Variants in DNAH6 observed in about 807,000 individuals in gnomAD.
The protein encoded by DNAH6 is dynein axonemal heavy chain 6.
Under a neutral mutation model 491.4 loss-of-function variants are expected in DNAH6, and 340 were observed. The observed-to-expected ratio is 0.69, with a 90% CI of 0.63 to 0.76. The LOEUF (loss-of-function observed/expected upper bound fraction) is 0.76. Ranked by LOEUF, DNAH6 falls within the 30% of genes least tolerant of loss-of-function variation. The pLI, the probability that DNAH6 is intolerant of heterozygous loss-of-function variation, is 0.00. For synonymous variants in DNAH6, 1,603 were observed against 1,686.1 expected (o/e 0.95, Z 1.21); for missense variants, 4,443 against 4,972.2 (o/e 0.89, Z 3.20).
intron 57 of DNAH6, among the ~76,000 whole-genome samples, chr2:84,715,152 T>TA (rs1272301528): frequency 1.3e-5 from 2 of 152,148 alleles, no homozygotes; most frequent in Non-Finnish European, 2.9e-5. Flanking sequence ...TATGAGTTTT[T>TA]ACTATAATTA....
chr2:84,499,693 C>T, the DNAH6 span, among the ~76,000 whole-genome samples: 1 of 152,164 alleles, frequency 6.6e-6, no homozygotes, highest in Non-Finnish European at 1.5e-5. Flanking sequence ...CCACATCCCC[C>T]AGAGTTTGTT....
chr2:84,799,515 G>A (rs1678679104), intron 70 of DNAH6, among the ~76,000 whole-genome samples: 1 of 152,222 alleles, frequency 6.6e-6, no homozygotes, highest in Non-Finnish European at 1.5e-5. Flanking sequence ...GAGAAGCCTA[G>A]GCAGCAGGTG....
At chr2:84,575,035 T>G (rs1682284761) in intron 12 of DNAH6, among the ~76,000 whole-genome samples, 1 of 152,150 alleles carries the variant, frequency 6.6e-6, no homozygotes, top group Admixed American at 6.5e-5. Flanking sequence ...CTCTGATGGC[T>G]GCGACTTTGG....
rs1405694392 is a variant in DNAH6 at position 84,640,430 on chromosome 2, G to T, written c.4822G>T (p.Val1608Leu). 6.8e-7 allele frequency: 1 copy of T among 1,468,892 alleles called. No homozygotes were observed. Among genetic ancestry groups the T allele is most frequent in the Non-Finnish European group, 9.3e-7 (1 of 1,073,366 alleles). 91.0% of individuals were successfully genotyped at this position (1,468,892 alleles called of 1,614,324 possible). The change falls in exon 32 of 77, where the codon GTA (valine) becomes TTA (leucine). Residue 1608 changes from valine to leucine, a missense_variant and splice_region_variant. By Grantham distance (32) the Val-to-Leu change is conservative. Coordinates refer to ENST00000389394, the MANE Select transcript of DNAH6 (RefSeq NM_001370.2). ...MVPNYALIAE[V>L]ILYSEGFESS... ...CATTGCATTATTTTTTCTATTCTAGGTAATTCTATATTCTGAAGGATTTGA... is the reference window on the plus strand; with the variant it reads ...CATTGCATTATTTTTTCTATTCTAGTTAATTCTATATTCTGAAGGATTTGA...
At chr2:84,716,989 C>T (rs1697596968) in intron 58 of DNAH6, among the ~76,000 whole-genome samples, 1 of 152,106 alleles carries the variant, frequency 6.6e-6, no homozygotes, top group South Asian at 2.1e-4. Context: ...TTGCAATTTT[C>T]CTCAGATCCT....
Position 84,694,489 on chromosome 2 carries a change from T to A in DNAH6, c.7524+9T>A. On this transcript the variant is annotated intron_variant, in intron 46 of 76. Coordinates refer to ENST00000389394, the MANE Select transcript of DNAH6 (RefSeq NM_001370.2). ...TTTTCACTGACACCCAGGTGTGTGT[T>A]TAAATAGCCCATGGGTGAGAACAGG... The A allele has an allele frequency of 1.3e-6, 2 of 1,542,688 alleles. No homozygotes were observed. Among genetic ancestry groups the A allele is most frequent in the Non-Finnish European group, 1.8e-6 (2 of 1,138,786 alleles).
Position 84,624,551 on chromosome 2 carries a change from GCT to G in DNAH6, c.4290_4291del (p.Gln1431ValfsTer6). 1 of 1,551,606 alleles carries G rather than the reference GCT, an allele frequency of 6.4e-7. No individual in the cohort carries two copies. Among genetic ancestry groups the G allele is most frequent in the Non-Finnish European group, 8.7e-7 (1 of 1,146,930 alleles). ...DLDNCVARMA[L>X]SQYTYGYEYL... Reference sequence around the variant, plus strand: ...TGGATAATTGTGTGGCTAGAATGGCGCTCTCTCAGTACACTTATGGCTATGAA... The same window carrying G: ...TGGATAATTGTGTGGCTAGAATGGCGCTCTCAGTACACTTATGGCTATGAA... On this transcript the variant is annotated frameshift_variant, in exon 28 of 77. Coordinates refer to ENST00000389394, the MANE Select transcript of DNAH6 (RefSeq NM_001370.2). LOFTEE classifies it high-confidence loss of function.
intron 14 of DNAH6, among the ~76,000 whole-genome samples, chr2:84,581,086 T>C (rs566798631): frequency 6.6e-6 from 1 of 152,260 alleles, no homozygotes; most frequent in Non-Finnish European, 1.5e-5. Flanking sequence ...TCTCTCTTTT[T>C]CAGTATTGAT....
the DNAH6 span, among the ~76,000 whole-genome samples, chr2:84,495,742 AG>A: frequency 2.6e-5 from 4 of 152,192 alleles, no homozygotes; most frequent in African/African-American, 9.7e-5. Context: ...GTGGTGATGA[AG>A]CAACAGAATA....
intron 61 of DNAH6, among the ~76,000 whole-genome samples, chr2:84,732,351 A>G (rs2104980724): frequency 6.6e-6 from 1 of 152,326 alleles, no homozygotes; most frequent in Middle Eastern, 3.4e-3. Context: ...TCATAACAGC[A>G]TTGTTTATAC....
At chr2:84,757,547 G>A (rs1030580032) in intron 63 of DNAH6, among the ~76,000 whole-genome samples, 2 of 152,170 alleles carry the variant, frequency 1.3e-5, no homozygotes, top group Non-Finnish European at 2.9e-5. Flanking sequence ...GCCACTGATG[G>A]TTTCAACATC....
intron 29 of DNAH6, among the ~76,000 whole-genome samples, chr2:84,625,564 C>T (rs930486067): frequency 2.6e-5 from 4 of 151,856 alleles, no homozygotes; most frequent in African/African-American, 9.7e-5. Flanking sequence ...ATATGGGTTA[C>T]GTATGTTGAT....
intron 11 of DNAH6, among the ~76,000 whole-genome samples, chr2:84,566,761 C>G (rs529784043): frequency 6.6e-6 from 1 of 151,968 alleles, no homozygotes; most frequent in African/African-American, 2.4e-5. Flanking sequence ...TGTAAACACT[C>G]TATAATTAAA....
the DNAH6 span, among the ~76,000 whole-genome samples, chr2:84,466,138 A>G: frequency 6.6e-6 from 1 of 152,174 alleles, no homozygotes; most frequent in Non-Finnish European, 1.5e-5. Context: ...AGAACGTGGC[A>G]TTCTTTACCT....
intron 11 of DNAH6, among the ~76,000 whole-genome samples, chr2:84,571,125 A>G (rs1167149959): frequency 1.3e-5 from 2 of 152,252 alleles, no homozygotes; most frequent in Non-Finnish European, 2.9e-5. Context: ...ATGTTGTGAA[A>G]TAATGAATTA....
chr2:84,711,422 G>A (rs1393292119), intron 56 of DNAH6, among the ~76,000 whole-genome samples: 7 of 152,198 alleles, frequency 4.6e-5, no homozygotes, highest in Non-Finnish European at 8.8e-5. Flanking sequence ...GTATCACTGC[G>A]TCATCAGAAA....
At chr2:84,637,459 C>T in intron 31 of DNAH6, 82 bp downstream of exon 31, 1 of 1,384,032 alleles carries the variant, frequency 7.2e-7, no homozygotes, top group African/African-American at 1.5e-5. Flanking sequence ...TAGAAAGTTT[C>T]CTTTATGAAT....
intron 32 of DNAH6, among the ~76,000 whole-genome samples, chr2:84,641,655 C>T (rs544739748): frequency 1.2e-4 from 19 of 152,084 alleles, no homozygotes; most frequent in African/African-American, 3.1e-4. Flanking sequence ...AAAATCACAG[C>T]GATAGGAATC....
At chr2:84,602,968 T>TTACCA in intron 18 of DNAH6, among the ~76,000 whole-genome samples, 1 of 152,196 alleles carries the variant, frequency 6.6e-6, no homozygotes, top group East Asian at 1.9e-4. Context: ...GATTTGTAAT[T>TTACCA]GTATTTTCCA....
Sources: allele counts gnomAD v4.1 joint callset (sites outside exome capture counted in the v4.1 genomes callset), GRCh38; gene constraint gnomAD v4.1.1; transcripts MANE v1.5; gene names NCBI Gene and HGNC (gene_info 2026-07-23, HGNC 2026-07-21).